Variants in SHTN1 observed in about 807,000 individuals in gnomAD.
The protein encoded by SHTN1 is shootin 1.
Under a neutral mutation model 83.1 loss-of-function variants are expected in SHTN1, and 42 were observed. That is an observed-to-expected ratio of 0.51 (90% CI 0.39 to 0.65). The LOEUF is 0.65. SHTN1 is among the 30% of genes least tolerant of loss of function. The probability of loss-of-function intolerance (pLI) is 0.00; values close to 1 mark genes in which losing one functional copy is unlikely to be tolerated. For missense variants in SHTN1, 622 were observed against 737.8 expected (o/e 0.84, Z 1.82); for synonymous variants, 224 against 247.7 (o/e 0.90, Z 0.90).
chr10:117,074,309 C>T (rs555551719), intron 1 of SHTN1, among the ~76,000 whole-genome samples: 4 of 152,218 alleles, frequency 2.6e-5, no homozygotes, highest in South Asian at 2.1e-4. Context: ...TCCTTGGAAA[C>T]GTTTCATGTT....
intron 11 of SHTN1, among the ~76,000 whole-genome samples, chr10:116,923,098 A>C (rs1413936976): frequency 6.6e-6 from 1 of 152,232 alleles, no homozygotes; most frequent in African/African-American, 2.4e-5. Flanking sequence ...GATACATATT[A>C]GGCAAGAAAA....
At chr10:117,099,009 T>TACACACAC (rs371738555) in intron 1 of SHTN1, among the ~76,000 whole-genome samples, 44,207 of 140,732 alleles carry the variant, frequency 0.31, 8,173 homozygotes, top group Middle Eastern at 0.5. Context: ...GTGGTATGTA[T>TACACACAC]ACACACACAC....
intron 2 of SHTN1, among the ~76,000 whole-genome samples, chr10:117,017,248 T>C (rs1344183741): frequency 6.6e-6 from 1 of 151,934 alleles, no homozygotes; most frequent in African/African-American, 2.4e-5. Flanking sequence ...TCCCAGCACT[T>C]TGGGAGGCCG....
At position 116,881,714 on chromosome 10, in the gene SHTN1, G is replaced by T; in HGVS notation, c.*4630C>A. ...TCCAGCCACACCATCAGTATTAGTA[G>T]ACCGGGAGGTCTGAAGTACGGCGCC... On this transcript the variant is annotated 3_prime_UTR_variant, in exon 17 of 17. Transcript: ENST00000355371. 7.3e-7 allele frequency: 1 copy of T among 1,368,978 alleles called. No individual in the cohort carries two copies. The highest frequency in any genetic ancestry group is 1.9e-5 in the South Asian group (1 of 51,914). 84.8% of individuals were successfully genotyped at this position (1,368,978 alleles called of 1,614,324 possible). A position where few individuals can be genotyped will look rare whatever the true frequency, so the allele number is the denominator to read the frequency against.
rs1847023565 is a variant in SHTN1 at position 116,881,797 on chromosome 10, C to G, written c.*4547G>C. The G allele has an allele frequency of 1.5e-6, 1 of 682,300 alleles. No homozygotes were observed. The highest frequency in any genetic ancestry group is 4.2e-5 in the Admixed American group (1 of 23,684). The allele number at this position is 682,300 out of a possible 1,614,324, so 42.3% of individuals were successfully genotyped here. On this transcript the variant is annotated 3_prime_UTR_variant, in exon 17 of 17. Transcript: ENST00000355371. Reference sequence around the variant, plus strand: ...ACCAACTCTTGTGGTTTTTATTCTTCTAATTCCACTGTTTGGTAAATTACA... The same window carrying G: ...ACCAACTCTTGTGGTTTTTATTCTTGTAATTCCACTGTTTGGTAAATTACA...
chr10:117,100,326 G>C (rs1170487000), intron 1 of SHTN1, among the ~76,000 whole-genome samples: 2 of 151,982 alleles, frequency 1.3e-5, no homozygotes, highest in East Asian at 3.9e-4. Flanking sequence ...GTTTTCTGTG[G>C]CTGCTTTCAC....
chr10:116,957,094 A>C (rs1850010571), intron 4 of SHTN1, among the ~76,000 whole-genome samples: 1 of 151,646 alleles, frequency 6.6e-6, no homozygotes, highest in African/African-American at 2.4e-5. Flanking sequence ...CGGCCTAGAC[A>C]TGAGGTCTTA....
At chr10:116,920,026 G>T (rs1407617613) in intron 12 of SHTN1, among the ~76,000 whole-genome samples, 1 of 152,220 alleles carries the variant, frequency 6.6e-6, no homozygotes, top group Non-Finnish European at 1.5e-5. Flanking sequence ...TGCTCAGGGG[G>T]AGAGAGGTGG....
rs1848351224 is a variant in SHTN1, at chr10:116,915,437, C to G, written c.1243G>C (p.Asp415His). 6.2e-7 allele frequency: 1 copy of G among 1,612,234 alleles called. No individual in the cohort carries two copies. Among genetic ancestry groups the G allele is most frequent in the Non-Finnish European group, 8.5e-7 (1 of 1,178,408 alleles). Residue 415 changes from aspartate (D) to histidine (H), a missense_variant, in exon 13 of 17, where the codon GAT (aspartate) becomes CAT (histidine). Physicochemically the swap from Asp to His is moderately conservative, Grantham distance 81. Transcript: ENST00000355371. Reference sequence around the variant, plus strand: ...AGATGAACTCCCTTTTTAATTCTATCCATCATCTCTTCAACTGCTTGCCTC... The same window carrying G: ...AGATGAACTCCCTTTTTAATTCTATGCATCATCTCTTCAACTGCTTGCCTC... ...LKRQAVEEMM[D>H]RIKKGVHLRP...
chr10:116,983,329 G>A (rs1851096834), intron 1 of SHTN1, among the ~76,000 whole-genome samples: 1 of 152,104 alleles, frequency 6.6e-6, no homozygotes, highest in African/African-American at 2.4e-5. Flanking sequence ...TACTCATACA[G>A]CAAAGTACCT....
intron 2 of SHTN1, among the ~76,000 whole-genome samples, chr10:117,025,778 C>G (rs372372041): frequency 4.6e-5 from 7 of 152,078 alleles, no homozygotes; most frequent in Admixed American, 1.3e-4. Context: ...TTTCCAGGCC[C>G]TAGCTCCCAG....
intron 9 of SHTN1, among the ~76,000 whole-genome samples, chr10:116,939,449 T>C (rs979801747): frequency 6.6e-6 from 1 of 152,120 alleles, no homozygotes; most frequent in African/African-American, 2.4e-5. Context: ...ACTTCCCGGG[T>C]GAGGCAACAC....
intron 3 of SHTN1, among the ~76,000 whole-genome samples, chr10:116,967,550 A>G (rs964329951): frequency 1.3e-5 from 2 of 152,220 alleles, no homozygotes; most frequent in African/African-American, 4.8e-5. Flanking sequence ...GGCTGCAGAC[A>G]TATCCATTGC....
At chr10:117,003,916 T>C (rs1564926637) in intron 1 of SHTN1, among the ~76,000 whole-genome samples, 1 of 152,084 alleles carries the variant, frequency 6.6e-6, no homozygotes. Flanking sequence ...TTTTTGGAGA[T>C]GGAGTTTCGT....
intron 5 of SHTN1, among the ~76,000 whole-genome samples, chr10:116,953,542 C>T (rs1341395332): frequency 1.3e-5 from 2 of 151,650 alleles, no homozygotes; most frequent in Non-Finnish European, 2.9e-5. Flanking sequence ...GGTCCTACCC[C>T]ATCCAAAATT....
At chr10:116,994,880 T>C (rs1481328085) in intron 1 of SHTN1, among the ~76,000 whole-genome samples, 1 of 152,106 alleles carries the variant, frequency 6.6e-6, no homozygotes, top group East Asian at 1.9e-4. Flanking sequence ...ATAAACCCAT[T>C]AGGTTTATTC....
intron 1 of SHTN1, among the ~76,000 whole-genome samples, chr10:116,989,732 A>C (rs1851350678): frequency 6.6e-6 from 1 of 152,162 alleles, no homozygotes; most frequent in Non-Finnish European, 1.5e-5. Flanking sequence ...TCTAAAATGA[A>C]GTGTTCTTTG....
chr10:116,972,163 T>A (rs1232602929), intron 2 of SHTN1, among the ~76,000 whole-genome samples: 1 of 152,198 alleles, frequency 6.6e-6, no homozygotes, highest in Non-Finnish European at 1.5e-5. Flanking sequence ...AGGTAGCCCA[T>A]TTCTATAGTC....
intron 1 of SHTN1, among the ~76,000 whole-genome samples, chr10:117,108,118 A>G (rs1853698585): frequency 6.6e-6 from 1 of 152,220 alleles, no homozygotes; most frequent in Non-Finnish European, 1.5e-5. Flanking sequence ...CAAGGCTAAT[A>G]AGGAGCTGTT....
Sources: allele counts gnomAD v4.1 joint callset (sites outside exome capture counted in the v4.1 genomes callset), GRCh38; gene constraint gnomAD v4.1.1; transcripts MANE v1.5; gene names NCBI Gene and HGNC (gene_info 2026-07-23, HGNC 2026-07-21).